GOSR1: variants seen among roughly 807,000 people sequenced by gnomAD.
GOSR1 encodes the protein 28 kDa Golgi SNARE protein.
In GOSR1, 21 loss-of-function variants were observed where a neutral mutation model predicts 35.5. That is an observed-to-expected ratio of 0.59 (90% CI 0.42 to 0.85). The LOEUF is 0.85. GOSR1 is among the 40% of genes least tolerant of loss of function. The probability of loss-of-function intolerance (pLI) is 0.00; values close to 1 mark genes in which losing one functional copy is unlikely to be tolerated. For synonymous variants in GOSR1, 94 were observed against 106.6 expected (o/e 0.88, Z 0.73); for missense variants, 285 against 309.6 (o/e 0.92, Z 0.60).
chr17:30,485,348 C>T (rs968464882), intron 4 of GOSR1, among the ~76,000 whole-genome samples: 2 of 151,726 alleles, frequency 1.3e-5, no homozygotes, highest in Non-Finnish European at 2.9e-5. Flanking sequence ...CTCACTGCAG[C>T]CTCAACCTCC....
intron 3 of GOSR1, 93 bp from the exon 4 acceptor site, chr17:30,484,570 C>A: frequency 1.5e-6 from 1 of 674,670 alleles, no homozygotes; most frequent in South Asian, 2.0e-5. Flanking sequence ...GTTTTGCTGT[C>A]AACCAAAAGG....
chr17:30,498,943 C>T (rs984351997), intron 6 of GOSR1, among the ~76,000 whole-genome samples: 8 of 152,082 alleles, frequency 5.3e-5, no homozygotes, highest in African/African-American at 1.2e-4. Context: ...CTCTTTTAAC[C>T]GCCACCACAG....
intron 3 of GOSR1, 65 bp downstream of exon 3, chr17:30,484,366 A>G: frequency 1.1e-6 from 1 of 891,254 alleles, no homozygotes; most frequent in Non-Finnish European, 1.9e-6. Context: ...AGGATCCTGG[A>G]TTATATTGAG....
At chr17:30,488,354 TG>T (rs1237808379) in intron 4 of GOSR1, among the ~76,000 whole-genome samples, 2 of 151,380 alleles carry the variant, frequency 1.3e-5, no homozygotes, top group Non-Finnish European at 2.9e-5. Flanking sequence ...TTAGTAGAGA[TG>T]GGGTTTCACC....
intron 6 of GOSR1, among the ~76,000 whole-genome samples, chr17:30,496,533 C>T (rs1456166558): frequency 3.3e-5 from 5 of 152,142 alleles, no homozygotes; most frequent in Non-Finnish European, 7.4e-5. Context: ...CCAGATGTGG[C>T]CTAGGAATCC....
intron 5 of GOSR1, among the ~76,000 whole-genome samples, chr17:30,491,327 T>C (rs1915028515): frequency 6.6e-6 from 1 of 152,190 alleles, no homozygotes; most frequent in Admixed American, 6.5e-5. Flanking sequence ...AACTGTCTCC[T>C]GAGTATCAAC....
chr17:30,479,243 T>C (rs576267018), intron 1 of GOSR1: 1 of 152,368 alleles, frequency 6.6e-6, no homozygotes, highest in African/African-American at 2.4e-5. Context: ...TCTTATACCA[T>C]TACCTCTGGT....
In GOSR1 at chr17:30,516,478, A is replaced by AAAAAAG. The variant is rs1384376620; in HGVS notation, c.540-3457_540-3456insAGAAAA. On this transcript the variant is annotated intron_variant, in intron 7 of 8. Transcript: ENST00000451249. The stretch of plus-strand genomic sequence containing the variant: ...GAGCAAGACTCCGTCTCAAACAAAA[A>AAAAAAG]AAAAGAAAAAGAAAAAGTCAGTCTC... Among the ~76,000 whole-genome samples the AAAAAAG allele has an allele frequency of 6.7e-5, 10 of 148,680 alleles. 1 individual carries two copies. The highest frequency in any genetic ancestry group is 1.3e-4 in the Admixed American group (2 of 14,958).
chr17:30,521,167 CTTTTTTTTTTTTTTT>C (rs71360748), intron 8 of GOSR1, among the ~76,000 whole-genome samples: 1 of 64,208 alleles, frequency 1.6e-5, no homozygotes, highest in African/African-American at 7.6e-5. Context: ...TTCTCTCTCT[CTTTTTTTTTTTTTTT>C]TTTTTTTTTT....
chr17:30,510,940 G>GT (rs1182148906), intron 7 of GOSR1, 31 bp downstream of exon 7: 2 of 1,342,246 alleles, frequency 1.5e-6, no homozygotes, highest in Non-Finnish European at 2.1e-6. Flanking sequence ...TGCTTTGTTG[G>GT]TTTTTGTTTG....
intron 8 of GOSR1, 64 bp downstream of exon 8, chr17:30,520,085 CT>C: frequency 9.8e-7 from 1 of 1,019,118 alleles, no homozygotes; most frequent in Non-Finnish European, 1.6e-6. Context: ...TCTGTGTGTG[CT>C]TTTATAGGGG....
intron 6 of GOSR1, among the ~76,000 whole-genome samples, chr17:30,498,286 A>G (rs568901567): frequency 2.6e-5 from 4 of 151,930 alleles, no homozygotes; most frequent in Non-Finnish European, 4.4e-5. Flanking sequence ...TTGAGCATCT[A>G]TGATGTGGAA....
At chr17:30,478,198 T>G (rs1313096440) in intron 1 of GOSR1, among the ~76,000 whole-genome samples, 2 of 152,236 alleles carry the variant, frequency 1.3e-5, no homozygotes, top group African/African-American at 4.8e-5. Context: ...TCGGATAAAG[T>G]GAGCTTACAT....
In GOSR1 at chr17:30,522,501, C is replaced by G; in HGVS notation, c.*123C>G. Reference sequence around the variant, plus strand: ...CCTGACCAGCAGGATGAATGCAAGACTGACAGTGATGGACTCTGTGACATG... The same window carrying G: ...CCTGACCAGCAGGATGAATGCAAGAGTGACAGTGATGGACTCTGTGACATG... On this transcript the variant is annotated 3_prime_UTR_variant, in exon 9 of 9. Transcript: ENST00000451249. 1.4e-6 allele frequency: 1 copy of G among 692,716 alleles called. No homozygotes were observed. 42.9% of individuals were successfully genotyped at this position (692,716 alleles called of 1,614,324 possible).
chr17:30,497,155 C>T (rs1430696117), intron 6 of GOSR1, among the ~76,000 whole-genome samples: 4 of 152,128 alleles, frequency 2.6e-5, no homozygotes, highest in African/African-American at 4.8e-5. Flanking sequence ...CTCCGCTACT[C>T]AGGAGGCTGA....
In GOSR1 at chr17:30,496,170, G is replaced by A. The variant is rs532977489; in HGVS notation, c.509+3417G>A. Among the ~76,000 whole-genome samples the A allele has an allele frequency of 4.0e-4, 61 of 152,182 alleles. No homozygotes were observed. The South Asian group carries it at 0.011, about 28-fold the overall frequency. On this transcript the variant is annotated intron_variant, in intron 6 of 8. Transcript: ENST00000451249. ...ATATTTGTCCTGAGAAGGCCAATACGTGCATTGGACACTTGTCTCTATCCC... is the reference window on the plus strand; with the variant it reads ...ATATTTGTCCTGAGAAGGCCAATACATGCATTGGACACTTGTCTCTATCCC...
At chr17:30,486,431 A>C (rs1006102877) in intron 4 of GOSR1, among the ~76,000 whole-genome samples, 1 of 151,464 alleles carries the variant, frequency 6.6e-6, no homozygotes, top group Non-Finnish European at 1.5e-5. Context: ...GCAGGAGAAT[A>C]GCTTGAACAT....
rs1033053396 is a variant in GOSR1 at position 30,525,296 on chromosome 17, G to C, written c.*2918G>C. Reference sequence around the variant, plus strand: ...TTTTTCATTCTGGTGTCAAAGTTTTGTTACATTATGGGTGTGAAGGGCATT... The same window carrying C: ...TTTTTCATTCTGGTGTCAAAGTTTTCTTACATTATGGGTGTGAAGGGCATT... On this transcript the variant is annotated 3_prime_UTR_variant, in exon 9 of 9. Coordinates refer to ENST00000451249, the MANE Select transcript of GOSR1 (RefSeq NM_001007025.2). 1.3e-5 allele frequency: 2 copies of C among 152,166 alleles called. No individual in the cohort carries two copies. The highest frequency in any genetic ancestry group is 2.9e-5 in the Non-Finnish European group (2 of 68,028). The allele number at this position is 152,166 out of a possible 1,614,324, so 9.4% of individuals were successfully genotyped here.
At chr17:30,510,166 C>A (rs1010260997) in intron 6 of GOSR1, among the ~76,000 whole-genome samples, 1 of 152,054 alleles carries the variant, frequency 6.6e-6, no homozygotes, top group African/African-American at 2.4e-5. Context: ...CTATGCCTCC[C>A]GGGTTCAAGC....
Sources: gnomAD v4.1 joint callset for allele counts (sites outside exome capture counted in the v4.1 genomes callset) on GRCh38, gnomAD v4.1.1 for gene constraint, MANE v1.5 for transcripts, NCBI Gene and HGNC (gene_info 2026-07-23, HGNC 2026-07-21) for gene names.